The following LURAP1L variants were observed in gnomAD, a reference collection of about 807,000 sequenced individuals.
LURAP1L encodes the protein leucine rich adaptor protein 1-like.
In LURAP1L, 12 loss-of-function variants were observed where a neutral mutation model predicts 13.8. That is an observed-to-expected ratio of 0.87 (90% CI 0.56 to 1.41). LURAP1L has a LOEUF of 1.41. LURAP1L is among the 40% of genes most tolerant of loss of function. The probability of loss-of-function intolerance (pLI) is 0.00; values close to 1 mark genes in which losing one functional copy is unlikely to be tolerated. For synonymous variants in LURAP1L, 139 were observed against 119.2 expected (o/e 1.17, Z -1.08); for missense variants, 375 against 292.9 (o/e 1.28, Z -2.04).
chr9:12,798,113 A>G (rs1173145967), intron 1 of LURAP1L, among the ~76,000 whole-genome samples: 2 of 152,276 alleles, frequency 1.3e-5, no homozygotes, highest in Admixed American at 1.3e-4. Context: ...AAGCATGTAT[A>G]ATTTAGTATA....
chr9:12,819,376 A>C (rs1819844288), intron 1 of LURAP1L, among the ~76,000 whole-genome samples: 1 of 152,190 alleles, frequency 6.6e-6, no homozygotes, highest in South Asian at 2.1e-4. Context: ...TTATTAATGG[A>C]AATTCCATCT....
At chr9:12,819,307 T>A (rs1161162431) in intron 1 of LURAP1L, among the ~76,000 whole-genome samples, 1 of 152,228 alleles carries the variant, frequency 6.6e-6, no homozygotes, top group Non-Finnish European at 1.5e-5. Flanking sequence ...TTATGTTTTT[T>A]GTATTCATAG....
chr9:12,779,628 T>C (rs1406245120), intron 1 of LURAP1L, among the ~76,000 whole-genome samples: 6 of 152,136 alleles, frequency 3.9e-5, no homozygotes, highest in African/African-American at 7.2e-5. Context: ...AGACAAAGCA[T>C]TGAGGTTTAT....
chr9:12,814,542 T>C (rs767775000), intron 1 of LURAP1L, among the ~76,000 whole-genome samples: 2 of 152,180 alleles, frequency 1.3e-5, no homozygotes, highest in Non-Finnish European at 2.9e-5. Context: ...CAATTGGACC[T>C]AGAATCTGAT....
chr9:12,806,712 T>A (rs1432167862), intron 1 of LURAP1L, among the ~76,000 whole-genome samples: 1 of 152,082 alleles, frequency 6.6e-6, no homozygotes, highest in South Asian at 2.1e-4. Flanking sequence ...ATTATACTAA[T>A]TTACTTTTTT....
At chr9:12,811,526 C>A (rs748056186) in intron 1 of LURAP1L, among the ~76,000 whole-genome samples, 1 of 152,140 alleles carries the variant, frequency 6.6e-6, no homozygotes. Context: ...CCTTCAGTTT[C>A]CTTGAACATT....
Position 12,776,017 on chromosome 9 carries a change from G to C in LURAP1L, c.302G>C (p.Arg101Thr). 6.2e-7 allele frequency: 1 copy of C among 1,612,774 alleles called. No individual in the cohort carries two copies. The highest frequency in any genetic ancestry group is 2.2e-5 in the East Asian group (1 of 44,828). The stretch of plus-strand genomic sequence containing the variant: ...CTAGAAACCAAGCTTCACCTCCTCA[G>C]GCAAGAGATGGTGAGTGTGGTGCGC... ...ERLETKLHLL[R>T]QEMVNLRATD... The change falls in exon 1 of 2, where the codon AGG becomes ACG. Residue 101 changes from arginine to threonine, a missense_variant. Coordinates refer to ENST00000319264, the MANE Select transcript of LURAP1L (RefSeq NM_203403.2).
chr9:12,811,784 C>T (rs1235307208), intron 1 of LURAP1L, among the ~76,000 whole-genome samples: 2 of 152,182 alleles, frequency 1.3e-5, no homozygotes, highest in African/African-American at 4.8e-5. Flanking sequence ...AAACAGCAAA[C>T]ATGTATTATC....
At chr9:12,800,154 C>G (rs189180091) in intron 1 of LURAP1L, among the ~76,000 whole-genome samples, 2 of 152,146 alleles carry the variant, frequency 1.3e-5, no homozygotes, top group African/African-American at 2.4e-5. Context: ...AGAGCTGCAA[C>G]TTTGTACCCT....
At chr9:12,791,361 G>C (rs990218829) in intron 1 of LURAP1L, among the ~76,000 whole-genome samples, 12 of 151,904 alleles carry the variant, frequency 7.9e-5, no homozygotes, top group Non-Finnish European at 1.2e-4. Flanking sequence ...TTGTCTCTAC[G>C]TGAACCTTTT....
At chr9:12,817,390 G>T (rs1171584385) in intron 1 of LURAP1L, among the ~76,000 whole-genome samples, 4 of 152,196 alleles carry the variant, frequency 2.6e-5, no homozygotes, top group Non-Finnish European at 4.4e-5. Context: ...GACCAGGAAA[G>T]ATCAAGACCC....
At chr9:12,780,413 T>G (rs369661002) in intron 1 of LURAP1L, among the ~76,000 whole-genome samples, 3 of 110,972 alleles carry the variant, frequency 2.7e-5, no homozygotes, top group African/African-American at 1.0e-4. Context: ...ATCTTAGACC[T>G]CTAAATTAAA....
chr9:12,819,056 A>G (rs1355419059), intron 1 of LURAP1L, among the ~76,000 whole-genome samples: 4 of 152,172 alleles, frequency 2.6e-5, no homozygotes, highest in East Asian at 3.9e-4. Context: ...ATTTAAACAT[A>G]AAGACTGTCA....
chr9:12,787,584 G>A (rs1387101995), intron 1 of LURAP1L, among the ~76,000 whole-genome samples: 2 of 152,266 alleles, frequency 1.3e-5, no homozygotes, highest in African/African-American at 4.8e-5. Context: ...ATCCTAGCCA[G>A]TTGATCATCA....
chr9:12,801,721 C>A (rs1026254458), intron 1 of LURAP1L, among the ~76,000 whole-genome samples: 2 of 152,072 alleles, frequency 1.3e-5, no homozygotes, highest in African/African-American at 4.8e-5. Context: ...AGGGCATAAA[C>A]ACAGACTTCA....
chr9:12,807,066 T>C (rs1819668681), intron 1 of LURAP1L, among the ~76,000 whole-genome samples: 1 of 107,872 alleles, frequency 9.3e-6, no homozygotes, highest in East Asian at 3.0e-4. Context: ...CCATCTTGGC[T>C]AACACGGCGA....
chr9:12,794,127 T>C (rs1013626523), intron 1 of LURAP1L, among the ~76,000 whole-genome samples: 1 of 152,078 alleles, frequency 6.6e-6, no homozygotes, highest in African/African-American at 2.4e-5. Flanking sequence ...TGATTCGCAG[T>C]GGACAAAAAC....
At chr9:12,776,396 CTGT>C (rs1819184571) in intron 1 of LURAP1L, among the ~76,000 whole-genome samples, 2 of 152,258 alleles carry the variant, frequency 1.3e-5, no homozygotes, top group South Asian at 4.1e-4. Flanking sequence ...CTGCTGTGCG[CTGT>C]TAACACTTCG....
chr9:12,794,599 T>C (rs1463069910), intron 1 of LURAP1L, among the ~76,000 whole-genome samples: 1 of 152,048 alleles, frequency 6.6e-6, no homozygotes. Flanking sequence ...ACCATACACA[T>C]GAAATTAATT....
Sources: allele counts gnomAD v4.1 joint callset (sites outside exome capture counted in the v4.1 genomes callset), GRCh38; gene constraint gnomAD v4.1.1; transcripts MANE v1.5; gene names NCBI Gene and HGNC (gene_info 2026-07-23, HGNC 2026-07-21).